Variants in FMNL1 observed in about 807,000 individuals in gnomAD.
FMNL1 encodes formin-like protein 1.
Under a neutral mutation model 121.3 loss-of-function variants are expected in FMNL1, and 43 were observed. That is an observed-to-expected ratio of 0.35 (90% confidence interval 0.28 to 0.46). The LOEUF (loss-of-function observed/expected upper bound fraction) is 0.46. Among genes scored for constraint, FMNL1 ranks in the 20% least tolerant of loss-of-function variants. The probability of loss-of-function intolerance (pLI) is 1.00; values close to 1 mark genes in which losing one functional copy is unlikely to be tolerated. For missense variants in FMNL1, 1,191 were observed against 1,482.4 expected (o/e 0.80, Z 3.23); for synonymous variants, 613 against 613.5 (o/e 1.00, Z 0.01).
At position 45,242,041 on chromosome 17, in the gene FMNL1, C is replaced by G. The variant is rs1370198478; in HGVS notation, c.1780C>G (p.Pro594Ala). 6.9e-7 allele frequency: 1 copy of G among 1,441,432 alleles called. No homozygotes were observed. Among genetic ancestry groups the G allele is most frequent in the Non-Finnish European group, 9.1e-7 (1 of 1,097,906 alleles). The allele number at this position is 1,441,432 out of a possible 1,614,324, so 89.3% of individuals were successfully genotyped here. Reference sequence around the variant, plus strand: ...GCCCCCACCCCCGCCACCGCCACCACCTCCGGGCACTGACGGGCCGGTGCC... The same window carrying G: ...GCCCCCACCCCCGCCACCGCCACCAGCTCCGGGCACTGACGGGCCGGTGCC... ...LPPPPPPPPP[P>A]PGTDGPVPPP... The change falls in exon 15 of 27, where the codon CCT (proline) becomes GCT (alanine). Residue 594 changes from proline (P) to alanine (A), a missense_variant. By Grantham distance (27) the Pro-to-Ala change is conservative. This residue lies in a region of FMNL1 where 519 missense variants were observed against 492.8 expected (regional missense o/e 1.05). Transcript: ENST00000331495.
rs781312546 is a variant in FMNL1, at chr17:45,245,348, C to T, written c.2824C>T (p.Leu942Phe). 1 of 1,614,078 alleles carries T rather than the reference C, an allele frequency of 6.2e-7. No individual in the cohort carries two copies. The highest frequency in any genetic ancestry group is 2.2e-5 in the East Asian group (1 of 44,892). ...EFVRQDDCMV[L>F]KEFLRANSPT... Reference sequence around the variant, plus strand: ...TGTGCGGCAGGATGACTGCATGGTGCTCAAGGAGTTCCTGAGGGCCAACTC... The same window carrying T: ...TGTGCGGCAGGATGACTGCATGGTGTTCAAGGAGTTCCTGAGGGCCAACTC... The change falls in exon 22 of 27, where the codon CTC (leucine) becomes TTC (phenylalanine). Residue 942 changes from leucine (L) to phenylalanine (F), a missense_variant. Leu to Phe is a conservative substitution (Grantham distance 22). This residue lies in a region of FMNL1 where 367 missense variants were observed against 528.6 expected (regional missense o/e 0.69). Coordinates refer to ENST00000331495, the MANE Select transcript of FMNL1 (RefSeq NM_005892.4).
intron 6 of FMNL1, chr17:45,234,692 A>G (rs1340159050): frequency 6.2e-6 from 1 of 160,178 alleles, no homozygotes. Context: ...AAAAAAGAAA[A>G]GAAAAGAAAA....
chr17:45,240,976 C>T, intron 12 of FMNL1, 153 bp from the exon 13 acceptor site: 3 of 902,070 alleles, frequency 3.3e-6, no homozygotes, highest in Non-Finnish European at 5.1e-6. Flanking sequence ...TGCTTGGGTT[C>T]GAGTGCCAGG....
At position 45,240,552 on chromosome 17, in the gene FMNL1, C is replaced by A. The variant is rs371140378; in HGVS notation, c.1157C>A (p.Ala386Glu). 6.2e-7 allele frequency: 1 copy of A among 1,613,852 alleles called. No individual in the cohort carries two copies. The highest frequency in any genetic ancestry group is 2.2e-5 in the East Asian group (1 of 44,866). Reference sequence around the variant, plus strand: ...CTGGACAATATTTTTGATGTGGGGGCGCTGCTGGAGGACACAGAGACCAAG... The same window carrying A: ...CTGGACAATATTTTTGATGTGGGGGAGCTGCTGGAGGACACAGAGACCAAG... The part of the protein sequence containing the change: ...AYLDNIFDVG[A>E]LLEDTETKNA... The change falls in exon 12 of 27, where the codon GCG (alanine) becomes GAG (glutamate). Residue 386 changes from alanine (A) to glutamate (E), a missense_variant. Physicochemically the swap from Ala to Glu is moderately radical, Grantham distance 107 (BLOSUM62 -1). Coordinates refer to ENST00000331495, the MANE Select transcript of FMNL1 (RefSeq NM_005892.4).
At chr17:45,238,481 T>C in intron 9 of FMNL1, 83 bp from the exon 10 acceptor site, 16 of 1,426,396 alleles carry the variant, frequency 1.1e-5, no homozygotes, top group Non-Finnish European at 1.6e-5. Flanking sequence ...GAGAGGAGCC[T>C]GTTGAAGCAC....
chr17:45,223,033 G>A (rs930276011), intron 1 of FMNL1, among the ~76,000 whole-genome samples: 7 of 152,180 alleles, frequency 4.6e-5, no homozygotes, highest in Non-Finnish European at 1.0e-4. Flanking sequence ...TGGGGTGGGG[G>A]CTCCAGAGCA....
intron 23 of FMNL1, 69 bp from the exon 24 acceptor site, chr17:45,245,809 T>A (rs2043817549): frequency 3.8e-6 from 6 of 1,593,164 alleles, no homozygotes; most frequent in Middle Eastern, 1.7e-4. Flanking sequence ...GGGGTGGGGC[T>A]GCTTCTGTTT....
Position 45,237,463 on chromosome 17 carries a change from T to C in FMNL1, c.801-83T>C. 6.2e-7 allele frequency: 1 copy of C among 1,607,432 alleles called. No individual in the cohort carries two copies. Among genetic ancestry groups the C allele is most frequent in the Non-Finnish European group, 8.5e-7 (1 of 1,174,066 alleles). On this transcript the variant is annotated intron_variant, in intron 8 of 26. Coordinates refer to ENST00000331495, the MANE Select transcript of FMNL1 (RefSeq NM_005892.4). This position sits in a 1 kb window ranked among gnomAD's most constrained non-coding sequence, Gnocchi z 4.4. The stretch of plus-strand genomic sequence containing the variant: ...TCAGAGGCTCATTCTGCACCCACTA[T>C]GCTCCTCCTAGCCAGGCCTGTGCCC...
intron 26 of FMNL1, 124 bp from the exon 27 acceptor site, chr17:45,246,743 A>C: frequency 2.4e-6 from 2 of 845,214 alleles, no homozygotes; most frequent in East Asian, 5.3e-5. Context: ...TGGCAAACAT[A>C]AACGGTACCC....
chr17:45,227,245 C>G (rs2043348722), intron 1 of FMNL1, among the ~76,000 whole-genome samples: 1 of 152,166 alleles, frequency 6.6e-6, no homozygotes, highest in East Asian at 1.9e-4. Flanking sequence ...TCCGCTCAAA[C>G]TGAAAGTGAA....
chr17:45,227,808 G>A (rs938848473), intron 1 of FMNL1, among the ~76,000 whole-genome samples: 3 of 152,174 alleles, frequency 2.0e-5, no homozygotes, highest in African/African-American at 2.4e-5. Context: ...GTGAGGCTCC[G>A]GTGAGGGAGT....
chr17:45,245,283 G>A lies in FMNL1; in HGVS notation c.2759G>A (p.Arg920His), dbSNP rs755479906. ...CTGGACAGTGTCCTGGCGGACGTGCGCTCCCTGCAGCGAGGCCTAGAGTTG... is the reference window on the plus strand; with the variant it reads ...CTGGACAGTGTCCTGGCGGACGTGCACTCCCTGCAGCGAGGCCTAGAGTTG... ...VSLDSVLADVRSLQRGLELTQ... is the reference protein window; with the variant it reads ...VSLDSVLADVHSLQRGLELTQ... Residue 920 changes from arginine (R) to histidine (H), a missense_variant, in exon 22 of 27, where the codon CGC becomes CAC. This residue lies in a region of FMNL1 where 367 missense variants were observed against 528.6 expected (regional missense o/e 0.69). Coordinates refer to ENST00000331495, the MANE Select transcript of FMNL1 (RefSeq NM_005892.4). The A allele has an allele frequency of 5.0e-6, 8 of 1,614,184 alleles. No homozygotes were observed. The highest frequency in any genetic ancestry group is 3.3e-4 in the Middle Eastern group (2 of 6,062).
intron 1 of FMNL1, among the ~76,000 whole-genome samples, chr17:45,223,887 T>A (rs535942235): frequency 6.6e-6 from 1 of 152,186 alleles, no homozygotes; most frequent in South Asian, 2.1e-4. Flanking sequence ...CAGGGGAAAA[T>A]CCACAAGTCA....
chr17:45,230,925 G>T (rs914240885), intron 2 of FMNL1, among the ~76,000 whole-genome samples: 1 of 152,114 alleles, frequency 6.6e-6, no homozygotes, highest in Admixed American at 6.5e-5. Flanking sequence ...AGCTTCAGAG[G>T]AGCTGGCAGA....
chr17:45,227,821 G>A (rs545816726), intron 1 of FMNL1, among the ~76,000 whole-genome samples: 44 of 152,278 alleles, frequency 2.9e-4, no homozygotes, highest in Middle Eastern at 3.4e-3. Flanking sequence ...GAGGGAGTGC[G>A]CCCATTTTAT....
chr17:45,245,033 A>G lies in FMNL1; in HGVS notation c.2653A>G (p.Lys885Glu). ...GCAGACGCTGCTGCACTACCTGGTG[A>G]AGGTCATTGCTGAGAAGTACCCGCA... is the stretch of plus-strand genomic sequence containing the variant. Reference protein sequence around the residue: ...RKQTLLHYLVKVIAEKYPQLT... With the variant: ...RKQTLLHYLVEVIAEKYPQLT... Residue 885 changes from lysine to glutamate, a missense_variant, in exon 21 of 27, where the codon AAG (lysine) becomes GAG (glutamate). By Grantham distance (56) the Lys-to-Glu change is moderately conservative. Coordinates refer to ENST00000331495, the MANE Select transcript of FMNL1 (RefSeq NM_005892.4). 6.2e-7 allele frequency: 1 copy of G among 1,614,184 alleles called. No homozygotes were observed. The highest frequency in any genetic ancestry group is 2.2e-5 in the East Asian group (1 of 44,888).
In FMNL1 at chr17:45,222,823, C is replaced by T. The variant is rs111433230; in HGVS notation, c.129+570C>T. ...CCTGTGGGTCTTTATCTTGGGGCAT[C>T]CTTTCCAAGCCACTGAAGGGAGTAA... On this transcript the variant is annotated intron_variant, in intron 1 of 26. Transcript: ENST00000331495. 6.2e-3 allele frequency among the ~76,000 whole-genome samples: 928 copies of T among 150,786 alleles called. 17 individuals are homozygous for T. Among genetic ancestry groups the T allele is most frequent in the African/African-American group, 0.022 (901 of 40,256 alleles).
chr17:45,222,140 G>A lies in FMNL1; in HGVS notation c.16G>A (p.Gly6Ser). 2 of 1,183,850 alleles carry A rather than the reference G, an allele frequency of 1.7e-6. No individual in the cohort carries two copies. Among genetic ancestry groups the A allele is most frequent in the Non-Finnish European group, 2.1e-6 (2 of 960,280 alleles). The allele number at this position is 1,183,850 out of a possible 1,614,324, so 73.3% of individuals were successfully genotyped here. A position where few individuals can be genotyped will look rare whatever the true frequency, so the allele number is the denominator to read the frequency against. The part of the protein sequence containing the change: MGNAA[G>S]SAEQPAGPAA... Reference sequence around the variant, plus strand: ...GGGGACCACCATGGGCAACGCGGCCGGCAGCGCCGAGCAGCCCGCGGGCCC... The same window carrying A: ...GGGGACCACCATGGGCAACGCGGCCAGCAGCGCCGAGCAGCCCGCGGGCCC... Residue 6 changes from glycine (G) to serine (S), a missense_variant, in exon 1 of 27, where the codon GGC becomes AGC. Gly to Ser is a moderately conservative substitution (Grantham distance 56, BLOSUM62 0). This residue lies in a region of FMNL1 where 52 missense variants were observed against 43.4 expected (regional missense o/e 1.20). Coordinates refer to ENST00000331495, the MANE Select transcript of FMNL1 (RefSeq NM_005892.4).
Position 45,239,113 on chromosome 17 carries a change from G to A in FMNL1, c.1080+48G>A, listed in dbSNP as rs200954614. ...GACTGAACTGCCTGCCCACGGCAGAGTATGGCTGAGTGGTTAGCAGCATGA... is the reference window on the plus strand; with the variant it reads ...GACTGAACTGCCTGCCCACGGCAGAATATGGCTGAGTGGTTAGCAGCATGA... On this transcript the variant is annotated intron_variant, in intron 11 of 26. Coordinates refer to ENST00000331495, the MANE Select transcript of FMNL1 (RefSeq NM_005892.4). 7 of 1,468,418 alleles carry A rather than the reference G, an allele frequency of 4.8e-6. No homozygotes were observed. In the African/African-American group the frequency reaches 6.9e-5, roughly 15 times the overall value. The allele number at this position is 1,468,418 out of a possible 1,614,324, so 91.0% of individuals were successfully genotyped here. A position where few individuals can be genotyped will look rare whatever the true frequency, so the allele number is the denominator to read the frequency against.
Sources: allele counts gnomAD v4.1 joint callset (sites outside exome capture counted in the v4.1 genomes callset), GRCh38; gene constraint gnomAD v4.1.1; regional missense constraint gnomAD v4.1.1; non-coding constraint Gnocchi (gnomAD v3.1); transcripts MANE v1.5; gene names NCBI Gene and HGNC (gene_info 2026-07-23, HGNC 2026-07-21).